REV3L: variants seen among roughly 807,000 people sequenced by gnomAD.
The protein encoded by REV3L is REV3 like, DNA directed polymerase zeta catalytic subunit.
REV3L carries 69 observed loss-of-function variants against 299.4 expected under a neutral mutation model. That is an observed-to-expected ratio of 0.23 (90% CI 0.19 to 0.28). The LOEUF (loss-of-function observed/expected upper bound fraction) is 0.28. Among genes scored for constraint, REV3L ranks in the 10% least tolerant of loss-of-function variants. The probability of loss-of-function intolerance (pLI) is 1.00; values close to 1 mark genes in which losing one functional copy is unlikely to be tolerated. For synonymous variants in REV3L, 1,238 were observed against 1,271.4 expected (o/e 0.97, Z 0.56); for missense variants, 3,128 against 3,693.8 (o/e 0.85, Z 3.97).
At chr6:111,315,175 G>A in intron 27 of REV3L, 92 bp downstream of exon 27, 1 of 1,047,706 alleles carries the variant, frequency 9.5e-7, no homozygotes, top group Non-Finnish European at 1.4e-6. Flanking sequence ...CCCGTATACT[G>A]TTAGTGATTC....
At position 111,392,862 on chromosome 6, in the gene REV3L, C is replaced by T. The variant is rs765332211; in HGVS notation, c.662+14G>A. The T allele has an allele frequency of 1.9e-6, 3 of 1,539,436 alleles. No individual in the cohort carries two copies. The highest frequency in any genetic ancestry group is 2.7e-5 in the African/African-American group (2 of 73,470). On this transcript the variant is annotated intron_variant, in intron 5 of 31. Transcript: ENST00000368802. The stretch of plus-strand genomic sequence containing the variant: ...ATATGTAAAATTTTCATTTCCTTTA[C>T]AACATTAACTAACCTTGGTATTTCA...
chr6:111,458,284 A>C (rs933532093), intron 1 of REV3L, among the ~76,000 whole-genome samples: 1 of 152,078 alleles, frequency 6.6e-6, no homozygotes, highest in Non-Finnish European at 1.5e-5. Flanking sequence ...TATCAAAGGA[A>C]TATATCTAAG....
intron 18 of REV3L, among the ~76,000 whole-genome samples, chr6:111,356,324 A>G (rs1020220094): frequency 6.6e-6 from 1 of 152,156 alleles, no homozygotes; most frequent in Non-Finnish European, 1.5e-5. Context: ...GGCTACCAAG[A>G]GCTACACTGT....
chr6:111,446,145 T>C (rs759863513), intron 1 of REV3L, among the ~76,000 whole-genome samples: 2 of 152,206 alleles, frequency 1.3e-5, no homozygotes, highest in South Asian at 2.1e-4. Flanking sequence ...ATTTTAACAA[T>C]TGTGCTGTCT....
At chr6:111,391,255 G>C (rs983811320) in intron 5 of REV3L, among the ~76,000 whole-genome samples, 1 of 151,886 alleles carries the variant, frequency 6.6e-6, no homozygotes, top group African/African-American at 2.4e-5. Flanking sequence ...TAGTACAGAA[G>C]GGGTTTCACC....
At chr6:111,473,102 T>C (rs1253181108) in intron 1 of REV3L, among the ~76,000 whole-genome samples, 1 of 152,226 alleles carries the variant, frequency 6.6e-6, no homozygotes, top group Non-Finnish European at 1.5e-5. Flanking sequence ...CCTCATACCA[T>C]GGCCCATTTC....
intron 16 of REV3L, among the ~76,000 whole-genome samples, chr6:111,359,520 GAAAAAAAAAAAAA>G (rs371680267): frequency 4.9e-5 from 5 of 102,608 alleles, no homozygotes; most frequent in African/African-American, 1.9e-4. Context: ...AGTTTTTCCT[GAAAAAAAAAAAAA>G]AAAAAAAAAG....
chr6:111,397,013 C>A (rs1427911778), intron 4 of REV3L, among the ~76,000 whole-genome samples: 1 of 151,400 alleles, frequency 6.6e-6, no homozygotes, highest in South Asian at 2.1e-4. Context: ...TGTATGTCTT[C>A]TTTTTTCTTG....
intron 3 of REV3L, among the ~76,000 whole-genome samples, chr6:111,411,132 T>C (rs17510576): frequency 6.6e-6 from 1 of 152,216 alleles, no homozygotes; most frequent in Non-Finnish European, 1.5e-5. Context: ...GACTCACTCC[T>C]ACATATTTCC....
intron 1 of REV3L, among the ~76,000 whole-genome samples, chr6:111,472,746 CCA>C (rs1792390502): frequency 6.6e-6 from 1 of 151,674 alleles, no homozygotes; most frequent in Admixed American, 6.6e-5. Context: ...ATTTAAAAAC[CCA>C]CAGAGAGCTG....
chr6:111,363,934 C>G lies in REV3L; in HGVS notation c.6798G>C (p.Gln2266His). Residue 2266 changes from glutamine to histidine, a missense_variant, in exon 16 of 32, where the codon CAG becomes CAC. Transcript: ENST00000368802. ...AVNTPQKETS[Q>H]IDGPSLNNTY... is the part of the protein sequence containing the mutation. The stretch of plus-strand genomic sequence containing the variant: ...TATTGTTTAAAGATGGTCCATCAAT[C>G]TGAGAAGTTTCTTTCTGTGGGGTAT... The G allele has an allele frequency of 6.2e-7, 1 of 1,613,246 alleles. No individual in the cohort carries two copies. Among genetic ancestry groups the G allele is most frequent in the South Asian group, 1.1e-5 (1 of 91,000 alleles).
intron 1 of REV3L, among the ~76,000 whole-genome samples, chr6:111,473,348 C>T (rs935187997): frequency 2.0e-5 from 3 of 151,642 alleles, no homozygotes; most frequent in Non-Finnish European, 4.4e-5. Flanking sequence ...GGTGCCTGGC[C>T]CTAGATTATC....
chr6:111,301,623 G>C (rs538605984), intron 31 of REV3L, among the ~76,000 whole-genome samples: 1 of 152,118 alleles, frequency 6.6e-6, no homozygotes, highest in Non-Finnish European at 1.5e-5. Flanking sequence ...GACCCATAAT[G>C]AGTCAGAATC....
Position 111,422,669 on chromosome 6 carries a change from TATATATATAC to T in REV3L, c.140-6207_140-6198del. On this transcript the variant is annotated intron_variant, in intron 1 of 31. Coordinates refer to ENST00000368802, the MANE Select transcript of REV3L (RefSeq NM_001372078.1). ...ATATACATATATATATATACATATA[TATATATATAC>T]GTATATATATATATATATATATTTC... is the stretch of plus-strand genomic sequence containing the variant. Among the ~76,000 whole-genome samples, 2 of 52,752 alleles carry T rather than the reference TATATATATAC, an allele frequency of 3.8e-5. 1 individual carries two copies. The highest frequency in any genetic ancestry group is 1.5e-3 in the South Asian group (2 of 1,370). 34.6% of individuals were successfully genotyped at this position (52,752 alleles called of 152,430 possible).
At position 111,374,685 on chromosome 6, in the gene REV3L, T is replaced by C. The variant is rs780972689; in HGVS notation, c.3670A>G (p.Thr1224Ala). Residue 1224 changes from threonine (T) to alanine (A), a missense_variant, in exon 13 of 32, where the codon ACA becomes GCA. Around this residue, in one of 9 missense-constraint regions of REV3L, gnomAD observed 2,409 missense variants for 2,611.8 expected, o/e 0.92. Transcript: ENST00000368802. ...TNEKGTSRKH[T>A]TLKDEKIKSQ... ...TTTATTTTTTCATCCTTAAGTGTTG[T>C]ATGCTTTCTCGATGTACCTTTCTCA... is the stretch of plus-strand genomic sequence containing the variant. 14 of 1,613,386 alleles carry C rather than the reference T, an allele frequency of 8.7e-6. No homozygotes were observed. The highest frequency in any genetic ancestry group is 5.0e-5 in the Admixed American group (3 of 59,970).
intron 1 of REV3L, among the ~76,000 whole-genome samples, chr6:111,436,383 C>G (rs1787553919): frequency 6.6e-6 from 1 of 151,944 alleles, no homozygotes; most frequent in African/African-American, 2.4e-5. Flanking sequence ...AATGTAAGTG[C>G]CCATCAGTGG....
intron 1 of REV3L, among the ~76,000 whole-genome samples, chr6:111,444,763 C>A (rs1369736233): frequency 5.3e-5 from 8 of 152,084 alleles, no homozygotes; most frequent in Non-Finnish European, 1.0e-4. Context: ...TACTCCAGTA[C>A]AATAAAATTA....
chr6:111,481,902 T>TA (rs1379712859), intron 1 of REV3L, among the ~76,000 whole-genome samples: 1 of 152,140 alleles, frequency 6.6e-6, no homozygotes, highest in African/African-American at 2.4e-5. Context: ...TAGTTGTGTT[T>TA]AAAAAATATA....
chr6:111,390,982 C>T (rs17539441), intron 5 of REV3L, among the ~76,000 whole-genome samples: 3,390 of 151,808 alleles, frequency 0.022, 130 homozygotes, highest in African/African-American at 0.078. Flanking sequence ...AAATGGACAC[C>T]AAGTGGAAAA....
Sources: allele counts gnomAD v4.1 joint callset (sites outside exome capture counted in the v4.1 genomes callset), GRCh38; gene constraint gnomAD v4.1.1; regional missense constraint gnomAD v4.1.1; transcripts MANE v1.5; gene names NCBI Gene and HGNC (gene_info 2026-07-23, HGNC 2026-07-21).